EPHB1: variants seen among roughly 807,000 people sequenced by gnomAD.
The protein encoded by EPHB1 is ephrin type-B receptor 1.
Under a neutral mutation model 94.4 loss-of-function variants are expected in EPHB1, and 30 were observed. The ratio of observed to expected loss-of-function variants is 0.32; its 90% CI spans 0.24 to 0.43. The LOEUF (loss-of-function observed/expected upper bound fraction) is 0.43, where lower values mean the gene tolerates loss of function less well. Among genes scored for constraint, EPHB1 ranks in the 20% least tolerant of loss-of-function variants. The pLI is 1.00. For missense variants in EPHB1, 1,055 were observed against 1,308.3 expected (o/e 0.81, Z 2.99); for synonymous variants, 522 against 489.1 (o/e 1.07, Z -0.89).
At chr3:134,852,266 G>C (rs533097995) in intron 1 of EPHB1, among the ~76,000 whole-genome samples, 1 of 151,580 alleles carries the variant, frequency 6.6e-6, no homozygotes, top group Admixed American at 6.6e-5. Flanking sequence ...GCCACAGCAT[G>C]CCCTGCCACT....
At chr3:134,830,119 A>T (rs920634019) in intron 1 of EPHB1, among the ~76,000 whole-genome samples, 3 of 152,038 alleles carry the variant, frequency 2.0e-5, no homozygotes, top group African/African-American at 7.3e-5. Context: ...CAGTGTTAGC[A>T]TTTTACCACG....
intron 3 of EPHB1, among the ~76,000 whole-genome samples, chr3:135,066,959 CTT>C (rs1438557217): frequency 2.0e-5 from 3 of 152,186 alleles, no homozygotes; most frequent in Non-Finnish European, 2.9e-5. Context: ...TGTTACCTCT[CTT>C]CTGGGTCTAG....
rs376275234 is a variant in EPHB1, at chr3:135,248,572, C to T, written c.2690+63C>T. ...GTTTCATGGTCAGGGGCATAGCCAGCAGCCTCTGACCATGATCATGTTCGA... is the reference window on the plus strand; with the variant it reads ...GTTTCATGGTCAGGGGCATAGCCAGTAGCCTCTGACCATGATCATGTTCGA... On this transcript the variant is annotated intron_variant, in intron 14 of 15. Coordinates refer to ENST00000398015, the MANE Select transcript of EPHB1 (RefSeq NM_004441.5). 1.4e-5 allele frequency: 20 copies of T among 1,460,498 alleles called. No individual in the cohort carries two copies. In the East Asian group the frequency reaches 2.0e-4, roughly 15 times the overall value. The allele number at this position is 1,460,498 out of a possible 1,614,324, so 90.5% of individuals were successfully genotyped here. A position where few individuals can be genotyped will look rare whatever the true frequency, so the allele number is the denominator to read the frequency against.
intron 1 of EPHB1, among the ~76,000 whole-genome samples, chr3:134,871,281 T>G (rs1355229256): frequency 6.6e-6 from 1 of 152,210 alleles, no homozygotes; most frequent in Non-Finnish European, 1.5e-5. Context: ...TTTTATTGCT[T>G]GTGTGCCCCT....
At chr3:135,091,933 A>G (rs1180453706) in intron 3 of EPHB1, among the ~76,000 whole-genome samples, 2 of 152,212 alleles carry the variant, frequency 1.3e-5, no homozygotes, top group East Asian at 3.8e-4. Context: ...GCCTTTAGAT[A>G]GAAACACAGT....
At chr3:134,960,072 A>G (rs1311568553) in intron 3 of EPHB1, among the ~76,000 whole-genome samples, 1 of 141,054 alleles carries the variant, frequency 7.1e-6, no homozygotes, top group Non-Finnish European at 1.5e-5. Context: ...TACTGAATCC[A>G]AGCCTGCCTG....
At chr3:135,208,335 G>T (rs1015016894) in intron 12 of EPHB1, among the ~76,000 whole-genome samples, 4 of 142,258 alleles carry the variant, frequency 2.8e-5, no homozygotes, top group Admixed American at 7.2e-5. Context: ...GTGTGTGTGT[G>T]TGTGTTGTGC....
chr3:135,184,502 G>A (rs1319831272), intron 10 of EPHB1, among the ~76,000 whole-genome samples: 1 of 152,166 alleles, frequency 6.6e-6, no homozygotes, highest in East Asian at 1.9e-4. Flanking sequence ...TGGGAGCAAG[G>A]GAATGTATGT....
At chr3:134,934,339 G>A (rs1441355878) in intron 2 of EPHB1, among the ~76,000 whole-genome samples, 4 of 152,168 alleles carry the variant, frequency 2.6e-5, no homozygotes, top group Admixed American at 6.5e-5. Flanking sequence ...TGAGGGCCTT[G>A]GGTGAGAGCC....
intron 10 of EPHB1, among the ~76,000 whole-genome samples, chr3:135,180,960 A>G (rs1942137440): frequency 6.6e-6 from 1 of 152,222 alleles, no homozygotes; most frequent in Non-Finnish European, 1.5e-5. Context: ...CTTTATTCAT[A>G]TCATTATTGG....
chr3:134,948,619 T>C (rs765247795), intron 2 of EPHB1, among the ~76,000 whole-genome samples: 76 of 152,262 alleles, frequency 5.0e-4, no homozygotes, highest in Non-Finnish European at 5.9e-4. Flanking sequence ...TGTGAATTTA[T>C]ACTCCATGCA....
At chr3:135,129,769 A>G (rs73862017) in intron 4 of EPHB1, among the ~76,000 whole-genome samples, 6,215 of 152,290 alleles carry the variant, frequency 0.041, 432 homozygotes, top group African/African-American at 0.14. Context: ...TCCTAGTGGA[A>G]TGGGTGCTAG....
intron 5 of EPHB1, among the ~76,000 whole-genome samples, chr3:135,141,992 C>G (rs928710716): frequency 2.5e-4 from 38 of 152,164 alleles, no homozygotes; most frequent in African/African-American, 8.9e-4. Flanking sequence ...GGAGACCTCC[C>G]CAGGGGCTCC....
chr3:135,258,131 G>A lies in EPHB1; in HGVS notation c.2847-881G>A, dbSNP rs558848874. Among the ~76,000 whole-genome samples the A allele has an allele frequency of 6.8e-3, 1,037 of 152,244 alleles. 13 individuals are homozygous for A. The highest frequency in any genetic ancestry group is 0.023 in the African/African-American group (961 of 41,546). On this transcript the variant is annotated intron_variant, in intron 15 of 15. Transcript: ENST00000398015. Reference sequence around the variant, plus strand: ...TGGCACTCCCTAGTGAGATGAACCCGGTACCTCAGATGGAAATGCAGAAAT... The same window carrying A: ...TGGCACTCCCTAGTGAGATGAACCCAGTACCTCAGATGGAAATGCAGAAAT...
At chr3:134,823,005 G>C (rs1045113086) in intron 1 of EPHB1, among the ~76,000 whole-genome samples, 1 of 152,198 alleles carries the variant, frequency 6.6e-6, no homozygotes, top group Non-Finnish European at 1.5e-5. Context: ...AGCCTTTGGA[G>C]TTGTTGCGAG....
At chr3:134,811,775 G>A (rs1408194950) in intron 1 of EPHB1, among the ~76,000 whole-genome samples, 4 of 152,200 alleles carry the variant, frequency 2.6e-5, no homozygotes, top group Non-Finnish European at 4.4e-5. Flanking sequence ...GCCCTCAGCC[G>A]AGTTAGAGCT....
intron 1 of EPHB1, among the ~76,000 whole-genome samples, chr3:134,874,665 C>T (rs1276674947): frequency 7.2e-5 from 11 of 152,160 alleles, no homozygotes; most frequent in Admixed American, 5.2e-4. Context: ...CCTGGATGAC[C>T]GGCAAGACTC....
chr3:135,110,746 G>A (rs963545574), intron 4 of EPHB1, among the ~76,000 whole-genome samples: 1 of 152,216 alleles, frequency 6.6e-6, no homozygotes, highest in Non-Finnish European at 1.5e-5. Context: ...AGAAGGATAA[G>A]AATCTGCTCT....
At chr3:135,049,758 C>T (rs1314275202) in intron 3 of EPHB1, among the ~76,000 whole-genome samples, 3 of 152,196 alleles carry the variant, frequency 2.0e-5, no homozygotes, top group Non-Finnish European at 4.4e-5. Context: ...TCAGAGAAGT[C>T]CTGAGCACCA....
Sources: allele counts gnomAD v4.1 joint callset (sites outside exome capture counted in the v4.1 genomes callset), GRCh38; gene constraint gnomAD v4.1.1; transcripts MANE v1.5; gene names NCBI Gene and HGNC (gene_info 2026-07-23, HGNC 2026-07-21).